SLC25A21: variants seen among roughly 807,000 people sequenced by gnomAD.
The protein encoded by SLC25A21 is mitochondrial 2-oxodicarboxylate carrier.
In SLC25A21, 47 loss-of-function variants were observed where a neutral mutation model predicts 43.8. The observed-to-expected ratio is 1.07, with a 90% confidence interval of 0.85 to 1.37. SLC25A21 has a LOEUF of 1.37. Among genes scored for constraint, SLC25A21 ranks in the 40% most tolerant of loss-of-function variants. The pLI, the probability that SLC25A21 is intolerant of heterozygous loss-of-function variation, is 0.00. For missense variants in SLC25A21, 352 were observed against 350.2 expected (o/e 1.00, Z -0.04); for synonymous variants, 131 against 121.3 (o/e 1.08, Z -0.52).
chr14:36,759,138 AT>A (rs200115144), intron 3 of SLC25A21, among the ~76,000 whole-genome samples: 13 of 151,616 alleles, frequency 8.6e-5, no homozygotes, highest in Non-Finnish European at 1.6e-4. Flanking sequence ...CTCTTGTAGG[AT>A]TTTTTTTTAA....
At position 37,039,622 on chromosome 14, in the gene SLC25A21, T is replaced by G. The variant is rs1961401542; in HGVS notation, c.70+132659A>C. Among the ~76,000 whole-genome samples, 3 of 152,346 alleles carry G rather than the reference T, an allele frequency of 2.0e-5. No individual in the cohort carries two copies. In the South Asian group the frequency reaches 6.2e-4, roughly 32 times the overall value. The stretch of plus-strand genomic sequence containing the variant: ...TGTTTTATCACTGAGTAGTCTTTCA[T>G]TGTATGGATGTGTCTATCAAGAGGC... On this transcript the variant is annotated intron_variant, in intron 1 of 9. Coordinates refer to ENST00000331299, the MANE Select transcript of SLC25A21 (RefSeq NM_030631.4).
At chr14:36,874,455 T>G (rs143814019) in intron 2 of SLC25A21, among the ~76,000 whole-genome samples, 2 of 152,342 alleles carry the variant, frequency 1.3e-5, no homozygotes, top group African/African-American at 4.8e-5. Context: ...TGCCCTGGCT[T>G]GCACTGACCA....
chr14:36,823,310 C>T (rs1888701780), intron 2 of SLC25A21, among the ~76,000 whole-genome samples: 1 of 152,056 alleles, frequency 6.6e-6, no homozygotes, highest in Non-Finnish European at 1.5e-5. Context: ...AAACTGGTCT[C>T]CATTAAACAA....
intron 3 of SLC25A21, among the ~76,000 whole-genome samples, chr14:36,792,704 T>C (rs1302193076): frequency 1.3e-5 from 2 of 152,166 alleles, no homozygotes; most frequent in Non-Finnish European, 2.9e-5. Flanking sequence ...TGAATTTTGG[T>C]ATTTAAAACT....
chr14:37,065,457 G>T (rs1477382774), intron 1 of SLC25A21, among the ~76,000 whole-genome samples: 1 of 152,194 alleles, frequency 6.6e-6, no homozygotes, highest in African/African-American at 2.4e-5. Context: ...GACCTCTCAG[G>T]CTGAGAAGAA....
intron 1 of SLC25A21, among the ~76,000 whole-genome samples, chr14:36,887,983 C>T (rs1349246078): frequency 6.6e-6 from 1 of 152,144 alleles, no homozygotes; most frequent in Non-Finnish European, 1.5e-5. Context: ...GTATGCCACA[C>T]TTTCTCACTT....
chr14:37,155,477 C>T (rs1963832240), intron 1 of SLC25A21, among the ~76,000 whole-genome samples: 1 of 152,148 alleles, frequency 6.6e-6, no homozygotes, highest in South Asian at 2.1e-4. Context: ...AAAGTTTTCA[C>T]AGCACATTAT....
intron 1 of SLC25A21, among the ~76,000 whole-genome samples, chr14:36,932,963 C>A (rs1892332038): frequency 1.3e-5 from 2 of 151,868 alleles, no homozygotes; most frequent in South Asian, 4.2e-4. Flanking sequence ...TACTCTGAGC[C>A]TTAAAAAAAG....
At chr14:37,153,492 C>T (rs1028489878) in intron 1 of SLC25A21, among the ~76,000 whole-genome samples, 19 of 152,246 alleles carry the variant, frequency 1.2e-4, no homozygotes, top group Middle Eastern at 3.4e-3. Context: ...GACTTGGTTG[C>T]GAGTTGGGTG....
intron 9 of SLC25A21, among the ~76,000 whole-genome samples, chr14:36,683,390 A>G (rs1882379735): frequency 6.6e-6 from 1 of 152,216 alleles, no homozygotes; most frequent in South Asian, 2.1e-4. Context: ...TTTGCTGTTC[A>G]TGGAGGCAAG....
chr14:36,975,786 A>G (rs926126675), intron 1 of SLC25A21, among the ~76,000 whole-genome samples: 1 of 152,190 alleles, frequency 6.6e-6, no homozygotes, highest in East Asian at 1.9e-4. Context: ...AATGGTAGGA[A>G]ACCTGAGGAC....
chr14:37,087,451 C>T (rs1032049169), intron 1 of SLC25A21, among the ~76,000 whole-genome samples: 1 of 152,140 alleles, frequency 6.6e-6, no homozygotes. Context: ...TTTGGGAAGG[C>T]TAGTCAAGGG....
chr14:36,772,675 G>A (rs1886665857), intron 3 of SLC25A21, among the ~76,000 whole-genome samples: 1 of 152,114 alleles, frequency 6.6e-6, no homozygotes, highest in Admixed American at 6.6e-5. Flanking sequence ...ATTCGAATTT[G>A]AACCTCAGCA....
At chr14:36,909,187 C>T (rs1350828142) in intron 1 of SLC25A21, among the ~76,000 whole-genome samples, 1 of 152,054 alleles carries the variant, frequency 6.6e-6, no homozygotes, top group East Asian at 1.9e-4. Flanking sequence ...GAGGTGACAT[C>T]CATGAAACCA....
intron 1 of SLC25A21, among the ~76,000 whole-genome samples, chr14:37,116,162 A>G (rs1010464350): frequency 6.6e-6 from 1 of 152,166 alleles, no homozygotes; most frequent in Non-Finnish European, 1.5e-5. Flanking sequence ...GCAAGCACTA[A>G]GCGAATACAT....
intron 3 of SLC25A21, among the ~76,000 whole-genome samples, chr14:36,781,926 G>A (rs997014059): frequency 6.6e-6 from 1 of 151,994 alleles, no homozygotes; most frequent in African/African-American, 2.4e-5. Flanking sequence ...AAGACAGATC[G>A]GGTGGTGATG....
At chr14:37,141,065 A>C (rs114795901) in intron 1 of SLC25A21, among the ~76,000 whole-genome samples, 6,255 of 152,228 alleles carry the variant, frequency 0.041, 444 homozygotes, top group African/African-American at 0.14. Flanking sequence ...AGAATCACTG[A>C]ACCAGGGAAG....
chr14:37,169,454 G>C lies in SLC25A21; in HGVS notation c.70+2827C>G, dbSNP rs144585512. 7.3e-3 allele frequency among the ~76,000 whole-genome samples: 1,111 copies of C among 151,988 alleles called. 12 individuals carry two copies. Among genetic ancestry groups the C allele is most frequent in the African/African-American group, 0.024 (976 of 41,454 alleles). On this transcript the variant is annotated intron_variant, in intron 1 of 9. Coordinates refer to ENST00000331299, the MANE Select transcript of SLC25A21 (RefSeq NM_030631.4). Reference sequence around the variant, plus strand: ...AGCCCCTTATTCCAGTTTGTTCCAGGAATGCATCCCAGACCTTGAATTCCA... The same window carrying C: ...AGCCCCTTATTCCAGTTTGTTCCAGCAATGCATCCCAGACCTTGAATTCCA...
chr14:36,763,707 G>A (rs1886252615), intron 3 of SLC25A21, among the ~76,000 whole-genome samples: 1 of 151,958 alleles, frequency 6.6e-6, no homozygotes, highest in African/African-American at 2.4e-5. Flanking sequence ...GACCAGAAAA[G>A]GCAGCCTATC....
Sources: allele counts gnomAD v4.1 joint callset (sites outside exome capture counted in the v4.1 genomes callset), GRCh38; gene constraint gnomAD v4.1.1; transcripts MANE v1.5; gene names NCBI Gene and HGNC (gene_info 2026-07-23, HGNC 2026-07-21).